SLC30A9: variants seen among roughly 807,000 people sequenced by gnomAD.
SLC30A9 encodes solute carrier family 30 member 9.
A neutral mutation model predicts 87.5 loss-of-function variants in SLC30A9; 58 were observed. That is an observed-to-expected ratio of 0.66 (90% CI 0.54 to 0.82). SLC30A9 has a LOEUF of 0.82. Among genes scored for constraint, SLC30A9 ranks in the 40% least tolerant of loss-of-function variants. SLC30A9 has a pLI of 0.00. For synonymous variants in SLC30A9, 234 were observed against 233.0 expected (o/e 1.00, Z -0.04); for missense variants, 557 against 679.1 (o/e 0.82, Z 2.00).
intron 1 of SLC30A9, among the ~76,000 whole-genome samples, chr4:41,997,244 C>A (rs1714760411): frequency 6.6e-6 from 1 of 151,732 alleles, no homozygotes; most frequent in African/African-American, 2.4e-5. Context: ...GCTACTCCAT[C>A]CAGGTCACAC....
chr4:42,025,360 G>C (rs1452521674), intron 6 of SLC30A9, among the ~76,000 whole-genome samples: 2 of 152,140 alleles, frequency 1.3e-5, no homozygotes, highest in African/African-American at 4.8e-5. Context: ...TGAAGGTCTA[G>C]GATGTTCTCA....
At chr4:41,994,123 C>T (rs1003887669) in intron 1 of SLC30A9, among the ~76,000 whole-genome samples, 4 of 151,672 alleles carry the variant, frequency 2.6e-5, no homozygotes, top group Non-Finnish European at 4.4e-5. Flanking sequence ...CGCCACTGCA[C>T]TCCAGCCTGG....
chr4:42,078,604 T>C (rs1406038802), intron 17 of SLC30A9: 2 of 192,118 alleles, frequency 1.0e-5, no homozygotes, highest in African/African-American at 4.6e-5. Context: ...GGGGGTTTTT[T>C]TGTTTGTTAA....
At chr4:42,069,561 T>C (rs1718222113) in intron 14 of SLC30A9, among the ~76,000 whole-genome samples, 1 of 152,228 alleles carries the variant, frequency 6.6e-6, no homozygotes. Context: ...GTTTGCTTTT[T>C]AGTGTTACAG....
intron 3 of SLC30A9, among the ~76,000 whole-genome samples, chr4:42,019,382 A>G (rs961876303): frequency 1.3e-5 from 2 of 152,230 alleles, no homozygotes; most frequent in Non-Finnish European, 1.5e-5. Context: ...CTCACAGACT[A>G]TAATTGATGC....
intron 15 of SLC30A9, among the ~76,000 whole-genome samples, chr4:42,072,965 C>T (rs1718374958): frequency 6.6e-6 from 1 of 152,140 alleles, no homozygotes; most frequent in Admixed American, 6.5e-5. Flanking sequence ...AGGTGCTCAC[C>T]ACCATGACCA....
chr4:41,992,016 T>G (rs190060108), intron 1 of SLC30A9, among the ~76,000 whole-genome samples: 1 of 152,304 alleles, frequency 6.6e-6, no homozygotes, highest in East Asian at 1.9e-4. Context: ...ATTGGCAATA[T>G]ACTGCCAGGT....
chr4:42,030,215 G>GC, intron 6 of SLC30A9: 2 of 299,334 alleles, frequency 6.7e-6, no homozygotes, highest in Non-Finnish European at 1.2e-5. Context: ...CATATGTATG[G>GC]GACCTACACT....
chr4:42,058,100 CAA>C (rs35993518), intron 9 of SLC30A9, among the ~76,000 whole-genome samples: 61,820 of 110,310 alleles, frequency 0.56, 18,411 homozygotes, highest in East Asian at 0.81. Flanking sequence ...GACTTTGTCT[CAA>C]AAAAAAAAAA....
At chr4:42,084,737 C>T (rs537351805) in intron 17 of SLC30A9, among the ~76,000 whole-genome samples, 127 of 152,276 alleles carry the variant, frequency 8.3e-4, no homozygotes, top group African/African-American at 2.7e-3. Flanking sequence ...TCCCAGAGTG[C>T]TGGGATTACA....
intron 14 of SLC30A9, among the ~76,000 whole-genome samples, chr4:42,069,155 A>G (rs1378413494): frequency 6.6e-6 from 1 of 152,230 alleles, no homozygotes; most frequent in Non-Finnish European, 1.5e-5. Flanking sequence ...AATTACTAGC[A>G]AAATTTTAGG....
intron 10 of SLC30A9, among the ~76,000 whole-genome samples, chr4:42,061,781 T>TC: frequency 6.6e-6 from 1 of 151,894 alleles, no homozygotes; most frequent in Non-Finnish European, 1.5e-5. Flanking sequence ...ATGCCTGTAA[T>TC]CCCAGCTACT....
Position 42,020,446 on chromosome 4 carries a change from G to T in SLC30A9, c.365G>T (p.Gly122Val). 1.3e-6 allele frequency: 2 copies of T among 1,584,686 alleles called. No individual in the cohort carries two copies. The highest frequency in any genetic ancestry group is 1.7e-4 in the Middle Eastern group (1 of 5,906). ...GCAGTCCTTAAGAAAAGGGAGTATG[G>T]CTCAAAGTACACTCAGAATAATTTC... ...VKAVLKKREY[G>V]SKYTQNNFIT... Residue 122 changes from glycine (G) to valine (V), a missense_variant, in exon 4 of 18, where the codon GGC becomes GTC. Physicochemically the swap from Gly to Val is moderately radical, Grantham distance 109. Coordinates refer to ENST00000264451, the MANE Select transcript of SLC30A9 (RefSeq NM_006345.4).
chr4:42,074,385 T>G (rs901812135), intron 15 of SLC30A9, among the ~76,000 whole-genome samples: 1 of 152,194 alleles, frequency 6.6e-6, no homozygotes, highest in Non-Finnish European at 1.5e-5. Flanking sequence ...AGTGTTTTGT[T>G]ATTTCTTATA....
At chr4:42,015,459 A>G (rs1715679184) in intron 2 of SLC30A9, among the ~76,000 whole-genome samples, 1 of 152,232 alleles carries the variant, frequency 6.6e-6, no homozygotes, top group South Asian at 2.1e-4. Context: ...ACCACAGTTA[A>G]GTAGTCAGAC....
chr4:42,084,258 T>G (rs1718839001), intron 17 of SLC30A9, among the ~76,000 whole-genome samples: 1 of 152,162 alleles, frequency 6.6e-6, no homozygotes, highest in Non-Finnish European at 1.5e-5. Context: ...TTTAATACTT[T>G]TAGTATGTCT....
At chr4:42,045,464 A>G (rs1717109566) in intron 8 of SLC30A9, among the ~76,000 whole-genome samples, 1 of 152,186 alleles carries the variant, frequency 6.6e-6, no homozygotes, top group Admixed American at 6.5e-5. Context: ...AAGATCTAGA[A>G]GAAATGGATA....
intron 8 of SLC30A9, among the ~76,000 whole-genome samples, chr4:42,046,226 T>G (rs1267422752): frequency 6.6e-6 from 1 of 152,158 alleles, no homozygotes; most frequent in Non-Finnish European, 1.5e-5. Context: ...TATTGGAAGC[T>G]CTGGCCAGGG....
chr4:42,047,928 G>A (rs965976126), intron 8 of SLC30A9, among the ~76,000 whole-genome samples: 32 of 152,100 alleles, frequency 2.1e-4, no homozygotes, highest in African/African-American at 7.5e-4. Context: ...TCCTTTGCAG[G>A]GACATGGATG....
Sources: allele counts gnomAD v4.1 joint callset (sites outside exome capture counted in the v4.1 genomes callset), GRCh38; gene constraint gnomAD v4.1.1; transcripts MANE v1.5; gene names NCBI Gene and HGNC (gene_info 2026-07-23, HGNC 2026-07-21).